PDE6B: variants seen among roughly 807,000 people sequenced by gnomAD.
PDE6B encodes phosphodiesterase 6B, also known as rod cGMP-specific 3',5'-cyclic phosphodiesterase subunit beta.
PDE6B carries 106 observed loss-of-function variants against 109.0 expected under a neutral mutation model. That is an observed-to-expected ratio of 0.97 (90% CI 0.83 to 1.14). The LOEUF is 1.14. PDE6B is among the 50% of genes most tolerant of loss of function. The probability of loss-of-function intolerance (pLI) is 0.00; values close to 1 mark genes in which losing one functional copy is unlikely to be tolerated. For synonymous variants in PDE6B, 490 were observed against 471.3 expected (o/e 1.04, Z -0.51); for missense variants, 1,193 against 1,155.6 (o/e 1.03, Z -0.47).
chr4:637,310 C>G (rs1376145947), intron 3 of PDE6B, among the ~76,000 whole-genome samples: 1 of 151,876 alleles, frequency 6.6e-6, no homozygotes, highest in East Asian at 1.9e-4. Flanking sequence ...CAACCTCTGC[C>G]CCCCCGGTTC....
At chr4:668,615 C>A (rs1457406254) in intron 21 of PDE6B, among the ~76,000 whole-genome samples, 2 of 137,148 alleles carry the variant, frequency 1.5e-5, no homozygotes, top group Non-Finnish European at 3.1e-5. Context: ...CCATGCTATT[C>A]CCCTACCCCA....
chr4:654,941 A>T, intron 6 of PDE6B, 53 bp downstream of exon 6: 2 of 1,026,248 alleles, frequency 1.9e-6, no homozygotes, highest in Non-Finnish European at 3.1e-6. Flanking sequence ...CGCCCCTCAG[A>T]CCCCGGCTCA....
Position 636,029 on chromosome 4 carries a change from C to T in PDE6B, c.711+60C>T. The T allele has an allele frequency of 3.1e-6, 3 of 980,550 alleles. No homozygotes were observed. Among genetic ancestry groups the T allele is most frequent in the African/African-American group, 3.2e-5 (2 of 62,934 alleles). 60.7% of individuals were successfully genotyped at this position (980,550 alleles called of 1,614,324 possible). ...GGCCAGGGTCCCTCCGCCCATCTCG[C>T]TGCCTGCACAGAGGCGGGTGGTGGC... On this transcript the variant is annotated intron_variant, in intron 3 of 21. Transcript: ENST00000496514. The surrounding 1 kb of genome is among the most constrained non-coding windows in gnomAD (Gnocchi z 4.5).
chr4:631,554 T>C (rs1734385507), intron 1 of PDE6B, among the ~76,000 whole-genome samples: 1 of 151,948 alleles, frequency 6.6e-6, no homozygotes, highest in Non-Finnish European at 1.5e-5. Context: ...TGGATCCTTG[T>C]GGCACTGTCT....
intron 1 of PDE6B, among the ~76,000 whole-genome samples, chr4:629,866 G>A (rs1466425238): frequency 6.6e-6 from 1 of 152,160 alleles, no homozygotes; most frequent in African/African-American, 2.4e-5. Context: ...CCAGCTGCTC[G>A]GCTATGTGAG....
At position 668,015 on chromosome 4, in the gene PDE6B, CTGTG is replaced by C; in HGVS notation, c.2503+12_2503+15del. 6.2e-7 allele frequency: 1 copy of C among 1,609,590 alleles called. No individual in the cohort carries two copies. Among genetic ancestry groups the C allele is most frequent in the Non-Finnish European group, 8.5e-7 (1 of 1,178,440 alleles). On this transcript the variant is annotated intron_variant, in intron 21 of 21. Transcript: ENST00000496514. ...GGTGGCAGCCAAGAAAGGTCTGGCT[CTGTG>C]TGGCCTGTGGGGCAGGGACTCGGTG...
chr4:653,696 C>T, intron 3 of PDE6B, 156 bp from the exon 4 acceptor site: 1 of 852,548 alleles, frequency 1.2e-6, no homozygotes, highest in Non-Finnish European at 1.9e-6. Context: ...GGCCACGGAG[C>T]CACCAATCAG....
chr4:663,968 G>A lies in PDE6B; in HGVS notation c.2021+98G>A, dbSNP rs1039453338. 9.1e-7 allele frequency: 1 copy of A among 1,099,134 alleles called. No individual in the cohort carries two copies. The highest frequency in any genetic ancestry group is 1.4e-5 in the South Asian group (1 of 73,156). 68.1% of individuals were successfully genotyped at this position (1,099,134 alleles called of 1,614,324 possible). A position where few individuals can be genotyped will look rare whatever the true frequency, so the allele number is the denominator to read the frequency against. The stretch of plus-strand genomic sequence containing the variant: ...GCAGCGGCGGCACAGCCCGGGGGAC[G>A]CAGCCCCGGATTCCGTCCCTGCCCG... On this transcript the variant is annotated intron_variant, in intron 16 of 21. Transcript: ENST00000496514. The surrounding 1 kb of genome is among the most constrained non-coding windows in gnomAD (Gnocchi z 4.0).
rs748223752 is a variant in PDE6B, at chr4:664,103, C to T, written c.2022-11C>T. The T allele has an allele frequency of 6.3e-7, 1 of 1,577,914 alleles. No individual in the cohort carries two copies. Among genetic ancestry groups the T allele is most frequent in the Non-Finnish European group, 8.7e-7 (1 of 1,147,384 alleles). On this transcript the variant is annotated splice_polypyrimidine_tract_variant and intron_variant, in intron 16 of 21. Coordinates refer to ENST00000496514, the MANE Select transcript of PDE6B (RefSeq NM_000283.4). ...GCTCCCACCTGCACCTCCCTTGTTCCCTGGGTTCAGGAAGAGAGCGATGTT... is the reference window on the plus strand; with the variant it reads ...GCTCCCACCTGCACCTCCCTTGTTCTCTGGGTTCAGGAAGAGAGCGATGTT...
chr4:647,403 T>C (rs977485238), intron 3 of PDE6B, among the ~76,000 whole-genome samples: 2 of 148,964 alleles, frequency 1.3e-5, no homozygotes, highest in Admixed American at 6.7e-5. Flanking sequence ...TGACAGCAGC[T>C]TCCGCGCCCT....
intron 12 of PDE6B, chr4:661,119 T>C (rs920696296): frequency 1.9e-5 from 3 of 155,606 alleles, no homozygotes; most frequent in African/African-American, 7.2e-5. Flanking sequence ...GGATGAGTGA[T>C]AGATGAGTAG....
intron 8 of PDE6B, 22 bp from the exon 9 acceptor site, chr4:656,851 AG>A (rs1256585426): frequency 6.2e-7 from 1 of 1,611,902 alleles, no homozygotes; most frequent in Non-Finnish European, 8.5e-7. Context: ...GGCGGAGCTC[AG>A]CTCTGGACAC....
At position 657,334 on chromosome 4, in the gene PDE6B, A is replaced by G; in HGVS notation, c.1258-17A>G. 1 of 1,612,658 alleles carries G rather than the reference A, an allele frequency of 6.2e-7. No homozygotes were observed. Among genetic ancestry groups the G allele is most frequent in the Non-Finnish European group, 8.5e-7 (1 of 1,179,772 alleles). Reference sequence around the variant, plus strand: ...GCCGGGAGCGCTGAGCGCCAGTGACACTGCCATCCCCTCCAGTCCCTGACA... The same window carrying G: ...GCCGGGAGCGCTGAGCGCCAGTGACGCTGCCATCCCCTCCAGTCCCTGACA... On this transcript the variant is annotated splice_polypyrimidine_tract_variant and intron_variant, in intron 9 of 21. Transcript: ENST00000496514.
At chr4:637,127 G>A (rs1345751082) in intron 3 of PDE6B, among the ~76,000 whole-genome samples, 1 of 151,880 alleles carries the variant, frequency 6.6e-6, no homozygotes, top group Non-Finnish European at 1.5e-5. Context: ...TTATTTTCTT[G>A]CTCACGTGAG....
rs1049654951 is a variant in PDE6B, at chr4:626,905, C to G, written c.468+811C>G. Among the ~76,000 whole-genome samples the G allele has an allele frequency of 6.6e-6, 1 of 152,132 alleles. No homozygotes were observed. The highest frequency in any genetic ancestry group is 2.4e-5 in the African/African-American group (1 of 41,434). Reference sequence around the variant, plus strand: ...CCTGGAAAGGCCCTGAGGAGCTGCCCGGCAAGGGGGCTCTGAGGAAGAAGG... The same window carrying G: ...CCTGGAAAGGCCCTGAGGAGCTGCCGGGCAAGGGGGCTCTGAGGAAGAAGG... On this transcript the variant is annotated intron_variant, in intron 1 of 21. Coordinates refer to ENST00000496514, the MANE Select transcript of PDE6B (RefSeq NM_000283.4). The surrounding 1 kb of genome is among the most constrained non-coding windows in gnomAD (Gnocchi z 4.6).
chr4:662,636 G>T lies in PDE6B; in HGVS notation c.1832+18G>T, dbSNP rs776955427. The T allele has an allele frequency of 2.0e-6, 3 of 1,468,038 alleles. No homozygotes were observed. In the African/African-American group the frequency reaches 4.2e-5, roughly 20 times the overall value. 90.9% of individuals were successfully genotyped at this position (1,468,038 alleles called of 1,614,324 possible). A position where few individuals can be genotyped will look rare whatever the true frequency, so the allele number is the denominator to read the frequency against. On this transcript the variant is annotated intron_variant, in intron 14 of 21. Transcript: ENST00000496514. This position sits in a 1 kb window ranked among gnomAD's most constrained non-coding sequence, Gnocchi z 4.3. ...CAGATGAAGTAGGCACCTCAGGGCG[G>T]GCATGTGAATTAGCCCTAAATCAAC...
At chr4:656,406 A>G (rs1577279727) in intron 8 of PDE6B, 114 bp downstream of exon 8, 1 of 790,168 alleles carries the variant, frequency 1.3e-6, no homozygotes, top group Non-Finnish European at 2.3e-6. Context: ...TCAGCCAGGC[A>G]TGGTGGCTCA....
intron 9 of PDE6B, among the ~76,000 whole-genome samples, 161 bp downstream of exon 9, chr4:657,184 G>T (rs545852204): frequency 6.6e-6 from 1 of 152,196 alleles, no homozygotes; most frequent in Non-Finnish European, 1.5e-5. Flanking sequence ...GCCCCCCCGG[G>T]AGCAGGAGCC....
At position 655,519 on chromosome 4, in the gene PDE6B, C is replaced by T. The variant is rs1027218195; in HGVS notation, c.993-421C>T. 2.8e-4 allele frequency: 99 copies of T among 349,254 alleles called. 2 individuals carry two copies. The Middle Eastern group carries it at 3.9e-3, about 14-fold the overall frequency. The allele number at this position is 349,254 out of a possible 1,614,324, so 21.6% of individuals were successfully genotyped here. On this transcript the variant is annotated intron_variant, in intron 6 of 21. Coordinates refer to ENST00000496514, the MANE Select transcript of PDE6B (RefSeq NM_000283.4). Reference sequence around the variant, plus strand: ...TCCTAGAAAGCAGGCTGAAGCCATACGGCCTCCGGAGAGGGAGGGGTTCCC... The same window carrying T: ...TCCTAGAAAGCAGGCTGAAGCCATATGGCCTCCGGAGAGGGAGGGGTTCCC...
Sources: gnomAD v4.1 joint callset for allele counts (sites outside exome capture counted in the v4.1 genomes callset) on GRCh38, gnomAD v4.1.1 for gene constraint, Gnocchi (gnomAD v3.1) non-coding constraint, MANE v1.5 for transcripts, NCBI Gene and HGNC (gene_info 2026-07-23, HGNC 2026-07-21) for gene names.